Variants in LDLRAD4 observed in about 807,000 individuals in gnomAD.
LDLRAD4 encodes low-density lipoprotein receptor class A domain-containing protein 4.
A neutral mutation model predicts 17.0 loss-of-function variants in LDLRAD4; 5 were observed. The ratio of observed to expected loss-of-function variants is 0.29; its 90% CI spans 0.15 to 0.62. The LOEUF is 0.62. Among genes scored for constraint, LDLRAD4 ranks in the 20% least tolerant of loss-of-function variants. LDLRAD4 has a pLI of 0.84. For synonymous variants in LDLRAD4, 168 were observed against 171.8 expected, an observed-to-expected ratio of 0.98 and a Z score of 0.17; for missense variants, 340 against 424.7, an observed-to-expected ratio of 0.80 and a Z score of 1.75.
At chr18:13,598,677 A>G (rs1568387946) in intron 3 of LDLRAD4, among the ~76,000 whole-genome samples, 1 of 152,226 alleles carries the variant, frequency 6.6e-6, no homozygotes, top group East Asian at 1.9e-4. Context: ...TTTTGAAAGC[A>G]CCCTTACACT....
rs1218516283 is a variant in LDLRAD4, at chr18:13,474,210, G to A, written c.181+35826G>A. The stretch of plus-strand genomic sequence containing the variant: ...TGTACAGGCCCCTGCAGAACTGTGA[G>A]CCAGTTAAACCTCTTTTTTAATATA... On this transcript the variant is annotated intron_variant, in intron 3 of 5. Transcript: ENST00000359446. Among the ~76,000 whole-genome samples, 5 of 152,132 alleles carry A rather than the reference G, an allele frequency of 3.3e-5. No homozygotes were observed. The East Asian group carries it at 9.6e-4, about 29-fold the overall frequency.
chr18:13,568,870 A>G (rs973524571), intron 3 of LDLRAD4, among the ~76,000 whole-genome samples: 8 of 152,202 alleles, frequency 5.3e-5, no homozygotes, highest in African/African-American at 1.9e-4. Flanking sequence ...AAGTGTGTTC[A>G]CATCTAGTCA....
At chr18:13,304,904 A>T (rs1452514615) in intron 1 of LDLRAD4, among the ~76,000 whole-genome samples, 1 of 152,216 alleles carries the variant, frequency 6.6e-6, no homozygotes, top group Non-Finnish European at 1.5e-5. Flanking sequence ...TGCATGCGTC[A>T]GCCTGCTGAC....
chr18:13,331,762 G>C (rs148712154), intron 1 of LDLRAD4, among the ~76,000 whole-genome samples: 2 of 152,294 alleles, frequency 1.3e-5, no homozygotes, highest in African/African-American at 4.8e-5. Context: ...TGTTTGCTCT[G>C]TTAGGCTTTA....
chr18:13,246,583 G>A (rs2042966537), intron 1 of LDLRAD4, among the ~76,000 whole-genome samples: 1 of 152,266 alleles, frequency 6.6e-6, no homozygotes, highest in Admixed American at 6.5e-5. Flanking sequence ...CCCCTAAGGG[G>A]TGGCTGGCCA....
At chr18:13,321,323 A>G (rs1300044295) in intron 1 of LDLRAD4, among the ~76,000 whole-genome samples, 1 of 152,226 alleles carries the variant, frequency 6.6e-6, no homozygotes, top group Non-Finnish European at 1.5e-5. Flanking sequence ...TGTAGCTGCA[A>G]ACGTTTCCAA....
intron 3 of LDLRAD4, among the ~76,000 whole-genome samples, chr18:13,518,205 G>C (rs1785204): frequency 0.98 from 149,075 of 152,304 alleles, 73,029 homozygotes; most frequent in Middle Eastern, 1. Context: ...GTGGGTTAGA[G>C]CTTCCCACTC....
exon 6 of LDLRAD4, chr18:13,648,566 G>A (rs1050180858): frequency 7.2e-5 from 11 of 152,204 alleles, no homozygotes; most frequent in African/African-American, 2.4e-4. Context: ...CTAGTGTGGC[G>A]TTGAAAGAGT....
chr18:13,303,282 T>C (rs944525511), intron 1 of LDLRAD4, among the ~76,000 whole-genome samples: 1 of 152,232 alleles, frequency 6.6e-6, no homozygotes, highest in East Asian at 1.9e-4. Context: ...GGTCTCACTC[T>C]GATGCCCAGG....
At chr18:13,285,161 C>T (rs7240656) in intron 1 of LDLRAD4, among the ~76,000 whole-genome samples, 14,378 of 152,252 alleles carry the variant, frequency 0.094, 728 homozygotes, top group South Asian at 0.13. Flanking sequence ...GAGACAGGCA[C>T]TGGGACAGTG....
chr18:13,267,702 A>G (rs2044299064), intron 1 of LDLRAD4, among the ~76,000 whole-genome samples: 2 of 152,222 alleles, frequency 1.3e-5, no homozygotes, highest in Non-Finnish European at 2.9e-5. Flanking sequence ...GGTTTCAGCC[A>G]GAGGCTGGGG....
chr18:13,327,305 G>A (rs1054679212), intron 1 of LDLRAD4, among the ~76,000 whole-genome samples: 12 of 152,080 alleles, frequency 7.9e-5, no homozygotes, highest in Admixed American at 7.2e-4. Context: ...ACAGCATCTG[G>A]ACTTTAATTG....
chr18:13,471,293 CTGTA>C (rs1448120385), intron 3 of LDLRAD4: 2 of 146,794 alleles, frequency 1.4e-5, no homozygotes, highest in Non-Finnish European at 3.0e-5. Flanking sequence ...TGAGCACTGG[CTGTA>C]CCTTTGCCCT....
intron 3 of LDLRAD4, among the ~76,000 whole-genome samples, chr18:13,617,927 C>T (rs1386017497): frequency 1.3e-5 from 2 of 152,196 alleles, no homozygotes; most frequent in South Asian, 2.1e-4. Flanking sequence ...TCTCAGTAGC[C>T]ATGAGGATGA....
chr18:13,477,904 T>G (rs568300308), intron 3 of LDLRAD4, among the ~76,000 whole-genome samples: 68 of 152,298 alleles, frequency 4.5e-4, no homozygotes, highest in African/African-American at 1.6e-3. Context: ...TAGGGGAAAC[T>G]GGCGGCTTTT....
chr18:13,393,614 G>A (rs572922779), intron 2 of LDLRAD4, among the ~76,000 whole-genome samples: 3 of 152,294 alleles, frequency 2.0e-5, no homozygotes, highest in Admixed American at 2.0e-4. Context: ...CAGAGAAACA[G>A]TGTCATGAGA....
At chr18:13,304,509 G>A (rs540090532) in intron 1 of LDLRAD4, among the ~76,000 whole-genome samples, 3 of 152,236 alleles carry the variant, frequency 2.0e-5, no homozygotes, top group Non-Finnish European at 2.9e-5. Context: ...GCATGCTGTC[G>A]CAGCACAGGC....
At chr18:13,335,919 C>G (rs762224604) in intron 1 of LDLRAD4, among the ~76,000 whole-genome samples, 1 of 152,074 alleles carries the variant, frequency 6.6e-6, no homozygotes, top group African/African-American at 2.4e-5. Flanking sequence ...TAAAGTACTA[C>G]CTGAGGCTGG....
At chr18:13,226,670 CT>C (rs2041820874) in intron 1 of LDLRAD4, among the ~76,000 whole-genome samples, 1 of 149,406 alleles carries the variant, frequency 6.7e-6, no homozygotes, top group Non-Finnish European at 1.5e-5. Flanking sequence ...AGTGGATGAT[CT>C]CAGTAGGTGG....
Sources: allele counts gnomAD v4.1 joint callset (sites outside exome capture counted in the v4.1 genomes callset), GRCh38; gene constraint gnomAD v4.1.1; transcripts MANE v1.5; gene names NCBI Gene and HGNC (gene_info 2026-07-23, HGNC 2026-07-21).